Variants in MTAP observed in about 807,000 individuals in gnomAD.
The protein encoded by MTAP is methylthioadenosine phosphorylase.
MTAP carries 33 observed loss-of-function variants against 33.6 expected under a neutral mutation model. That is an observed-to-expected ratio of 0.98 (90% CI 0.74 to 1.31). The LOEUF is 1.31. MTAP is among the 40% of genes most tolerant of loss of function. The pLI, the probability that MTAP is intolerant of heterozygous loss-of-function variation, is 0.00. For missense variants in MTAP, 367 were observed against 360.0 expected (o/e 1.02, Z -0.16); for synonymous variants, 148 against 125.7 (o/e 1.18, Z -1.19).
intron 1 of MTAP, chr9:21,929,479 A>G: frequency 4.5e-6 from 1 of 224,208 alleles, no homozygotes; most frequent in Non-Finnish European, 9.8e-6. Flanking sequence ...GTTGGTTCTC[A>G]TACTCAACGC....
At position 21,854,849 on chromosome 9, in the gene MTAP, C is replaced by T. The variant is rs1825599808; in HGVS notation, c.669C>T (p.Cys223=). Residue 223 remains cysteine (C), a synonymous_variant, in exon 6 of 8, where the codon TGC becomes TGT. Coordinates refer to ENST00000644715, the MANE Select transcript of MTAP (RefSeq NM_002451.4). ...TCGCCATGGCGACAGATTATGACTG[C>T]TGGAAGGAGCACGAGGAAGCAGTAG... ...ASIAMATDYD[C]WKEHEEAVSV... 1.2e-6 allele frequency: 2 copies of T among 1,614,046 alleles called. No individual in the cohort carries two copies. The highest frequency in any genetic ancestry group is 4.5e-5 in the East Asian group (2 of 44,874).
intron 1 of MTAP, among the ~76,000 whole-genome samples, chr9:21,885,746 T>A (rs1239791757): frequency 6.6e-6 from 1 of 151,750 alleles, no homozygotes; most frequent in East Asian, 1.9e-4. Context: ...ATGCCATTAT[T>A]TCATTCCTTT....
intron 5 of MTAP, among the ~76,000 whole-genome samples, chr9:21,839,363 G>T (rs1296119470): frequency 6.6e-6 from 1 of 152,118 alleles, no homozygotes; most frequent in African/African-American, 2.4e-5. Context: ...ACTTCAAAAT[G>T]GGGGCAGCTT....
intron 5 of MTAP, among the ~76,000 whole-genome samples, chr9:21,844,450 C>A (rs1825326789): frequency 6.6e-6 from 1 of 152,132 alleles, no homozygotes; most frequent in South Asian, 2.1e-4. Context: ...AGACCAATAT[C>A]CCTGATGTAC....
At chr9:21,857,150 G>C (rs911885147) in intron 6 of MTAP, among the ~76,000 whole-genome samples, 8 of 152,206 alleles carry the variant, frequency 5.3e-5, no homozygotes, top group Non-Finnish European at 1.5e-5. Flanking sequence ...AGGTCAGTAG[G>C]AAGGACATTT....
At position 21,841,219 on chromosome 9, in the gene MTAP, A is replaced by G. The variant is rs117952159; in HGVS notation, c.450+3209A>G. On this transcript the variant is annotated intron_variant, in intron 5 of 7. Transcript: ENST00000644715. Reference sequence around the variant, plus strand: ...TGCCCTGCCTATTGCCTGGGAAACCAAAATAGTTACCTTGGGCATCTTAGG... The same window carrying G: ...TGCCCTGCCTATTGCCTGGGAAACCGAAATAGTTACCTTGGGCATCTTAGG... 6.3e-3 allele frequency among the ~76,000 whole-genome samples: 959 copies of G among 152,282 alleles called. 23 individuals carry two copies. Among genetic ancestry groups the G allele is most frequent in the East Asian group, 0.055 (287 of 5,178 alleles).
Position 21,865,206 on chromosome 9 carries a change from T to C in MTAP, c.*3192T>C. Reference sequence around the variant, plus strand: ...GGTTACCCCCACACTGCTGTTCTCATGATACTGAGTTCTCACAAGTCCTGT... The same window carrying C: ...GGTTACCCCCACACTGCTGTTCTCACGATACTGAGTTCTCACAAGTCCTGT... On this transcript the variant is annotated 3_prime_UTR_variant, in exon 8 of 8. Coordinates refer to ENST00000644715, the MANE Select transcript of MTAP (RefSeq NM_002451.4). 2 of 588,530 alleles carry C rather than the reference T, an allele frequency of 3.4e-6. No individual in the cohort carries two copies. Among genetic ancestry groups the C allele is most frequent in the Non-Finnish European group, 4.3e-6 (2 of 467,534 alleles). The allele number at this position is 588,530 out of a possible 1,614,324, so 36.5% of individuals were successfully genotyped here.
chr9:21,861,212 C>T (rs1184751978), intron 7 of MTAP: 2 of 151,996 alleles, frequency 1.3e-5, no homozygotes, highest in East Asian at 1.9e-4. Context: ...TTCTCCTTTC[C>T]TGGAGCTTCT....
At chr9:21,871,360 G>T (rs1035518648), downstream of MTAP, among the ~76,000 whole-genome samples, 3 of 152,098 alleles carry the variant, frequency 2.0e-5, no homozygotes, top group African/African-American at 7.2e-5. Flanking sequence ...TTTGTAAGTT[G>T]TCCCTCCACT....
chr9:21,875,512 T>C (rs2118668638), intron 1 of MTAP, among the ~76,000 whole-genome samples: 1 of 152,216 alleles, frequency 6.6e-6, no homozygotes, highest in African/African-American at 2.4e-5. Flanking sequence ...GGTGGGTAGA[T>C]TGCAAAAATT....
chr9:21,803,498 C>T (rs1824123200), intron 1 of MTAP: 1 of 152,108 alleles, frequency 6.6e-6, no homozygotes, highest in Non-Finnish European at 1.5e-5. Context: ...AGTTAGAGTT[C>T]AATTTCCTTG....
intron 1 of MTAP, chr9:21,930,360 G>A (rs2131046960): frequency 9.8e-6 from 2 of 204,344 alleles, no homozygotes; most frequent in South Asian, 9.8e-5. Flanking sequence ...TGTGTTTGTG[G>A]CCAATCAGTT....
chr9:21,908,172 T>C (rs1328940599), intron 1 of MTAP, among the ~76,000 whole-genome samples: 1 of 152,204 alleles, frequency 6.6e-6, no homozygotes, highest in Non-Finnish European at 1.5e-5. Context: ...TCTCCATGTC[T>C]ATACTTTCAT....
At position 21,810,467 on chromosome 9, in the gene MTAP, C is replaced by G. The variant is rs541151240; in HGVS notation, c.34-4966C>G. ...TTTGCTTCATAACAACCCACTCTCA[C>G]TGGAACTAATCCAACCCAATGAGAG... On this transcript the variant is annotated intron_variant, in intron 1 of 7. Transcript: ENST00000644715. Among the ~76,000 whole-genome samples, 6 of 152,194 alleles carry G rather than the reference C, an allele frequency of 3.9e-5. No homozygotes were observed. In the South Asian group the frequency reaches 6.2e-4, roughly 16 times the overall value.
In MTAP at chr9:21,866,622, C is replaced by T. The variant is rs893223083; in HGVS notation, c.*4608C>T. 2 of 151,970 alleles carry T rather than the reference C, an allele frequency of 1.3e-5. No homozygotes were observed. The highest frequency in any genetic ancestry group is 2.4e-5 in the African/African-American group (1 of 41,352). 9.4% of individuals were successfully genotyped at this position (151,970 alleles called of 1,614,324 possible). On this transcript the variant is annotated 3_prime_UTR_variant, in exon 8 of 8. Coordinates refer to ENST00000644715, the MANE Select transcript of MTAP (RefSeq NM_002451.4). ...TATGTGTCTCTTCTTATGCCAGTAC[C>T]CCACTGTCTTGATTATTGTGGCTTT...
At chr9:21,931,356 G>A (rs902189321), downstream of MTAP, 61 of 531,334 alleles carry the variant, frequency 1.1e-4, no homozygotes, top group Non-Finnish European at 1.9e-4. Context: ...ATGAGTAAGG[G>A]AGGAGAGACC....
chr9:21,932,980 A>T (rs558387135), downstream of MTAP: 3 of 152,218 alleles, frequency 2.0e-5, no homozygotes, highest in Non-Finnish European at 4.4e-5. Flanking sequence ...ATGCCTTATG[A>T]AATTAGTCCC....
intron 1 of MTAP, among the ~76,000 whole-genome samples, chr9:21,803,533 A>G (rs1190028605): frequency 6.6e-6 from 1 of 152,110 alleles, no homozygotes; most frequent in Non-Finnish European, 1.5e-5. Flanking sequence ...AGAGGCCTTG[A>G]TACAAGGGGT....
intron 1 of MTAP, among the ~76,000 whole-genome samples, chr9:21,886,213 T>C (rs1818108825): frequency 6.6e-6 from 1 of 152,042 alleles, no homozygotes; most frequent in Non-Finnish European, 1.5e-5. Context: ...ATTAACAATA[T>C]TGAGCATTTT....
Sources: allele counts gnomAD v4.1 joint callset (sites outside exome capture counted in the v4.1 genomes callset), GRCh38; gene constraint gnomAD v4.1.1; transcripts MANE v1.5; gene names NCBI Gene and HGNC (gene_info 2026-07-23, HGNC 2026-07-21).